WRN: variants seen among roughly 807,000 people sequenced by gnomAD.
The protein encoded by WRN is bifunctional 3'-5' exonuclease/ATP-dependent helicase WRN.
Under a neutral mutation model 180.7 loss-of-function variants are expected in WRN, and 149 were observed. The observed-to-expected ratio is 0.82, with a 90% CI of 0.72 to 0.94. WRN has a LOEUF of 0.94. WRN is among the 40% of genes least tolerant of loss of function. The pLI, the probability that WRN is intolerant of heterozygous loss-of-function variation, is 0.00. For synonymous variants in WRN, 548 were observed against 568.9 expected, an observed-to-expected ratio of 0.96 and a Z score of 0.52; for missense variants, 1,661 against 1,700.1, an observed-to-expected ratio of 0.98 and a Z score of 0.40.
intron 21 of WRN, 133 bp downstream of exon 21, chr8:31,120,557 G>T (rs924326628): frequency 2.7e-6 from 2 of 739,326 alleles, no homozygotes; most frequent in Non-Finnish European, 4.1e-6. Context: ...AAAAAAAAAA[G>T]AAAAATAAAA....
intron 9 of WRN, among the ~76,000 whole-genome samples, chr8:31,082,859 A>T (rs1174536979): frequency 6.6e-6 from 1 of 152,104 alleles, no homozygotes; most frequent in Non-Finnish European, 1.5e-5. Context: ...CTTTTACACC[A>T]ATTATTGCCA....
intron 24 of WRN, among the ~76,000 whole-genome samples, chr8:31,139,543 A>G (rs1478258798): frequency 1.3e-5 from 2 of 152,314 alleles, no homozygotes; most frequent in African/African-American, 4.8e-5. Context: ...AGCTTCCACT[A>G]TAGCACCTAA....
intron 18 of WRN, among the ~76,000 whole-genome samples, chr8:31,103,295 C>A (rs190451675): frequency 6.6e-6 from 1 of 152,176 alleles, no homozygotes; most frequent in Non-Finnish European, 1.5e-5. Context: ...TAGGTAAATA[C>A]GTAAACCAGT....
intron 7 of WRN, among the ~76,000 whole-genome samples, chr8:31,074,116 G>A (rs780774943): frequency 6.0e-5 from 9 of 150,666 alleles, no homozygotes; most frequent in Non-Finnish European, 1.2e-4. Context: ...TAGTAGAGAC[G>A]GGGTTTCACC....
chr8:31,155,089 A>G (rs1347750650), intron 32 of WRN, among the ~76,000 whole-genome samples: 3 of 152,230 alleles, frequency 2.0e-5, no homozygotes, highest in African/African-American at 4.8e-5. Context: ...CAGTGTTAAG[A>G]AACAATCTCA....
chr8:31,170,614 A>G (rs192831817), intron 34 of WRN, among the ~76,000 whole-genome samples: 55 of 152,282 alleles, frequency 3.6e-4, no homozygotes, highest in African/African-American at 1.3e-3. Flanking sequence ...TCAGCAAATG[A>G]GTTGATGTTT....
chr8:31,072,972 G>A lies in WRN; in HGVS notation c.725-3201G>A, dbSNP rs760058707. 2.4e-4 allele frequency among the ~76,000 whole-genome samples: 36 copies of A among 152,102 alleles called. 1 individual carries two copies. Among genetic ancestry groups the A allele is most frequent in the Admixed American group, 1.8e-3 (28 of 15,264 alleles). On this transcript the variant is annotated intron_variant, in intron 7 of 34. Transcript: ENST00000298139. ...CCTATAACTGAATGAAATGAGTGAG[G>A]GTAAGAGTGGCAGGAAATGAGGCTA...
In WRN at chr8:31,068,263, T is replaced by C; in HGVS notation, c.660T>C (p.Gly220=). ...KLYAATDAYA[G]FIIYRNLEIL... ...ATTTTTCTGTTTTTTTATAGGCTGG[T>C]TTTATTATTTACCGAAATTTAGAGA... The change falls in exon 7 of 35, where the codon GGT becomes GGC. Residue 220 remains glycine, a synonymous_variant. Coordinates refer to ENST00000298139, the MANE Select transcript of WRN (RefSeq NM_000553.6). 1 of 1,604,170 alleles carries C rather than the reference T, an allele frequency of 6.2e-7. No individual in the cohort carries two copies.
chr8:31,130,620 T>G (rs1044260297), intron 23 of WRN, among the ~76,000 whole-genome samples: 1 of 298 alleles, frequency 3.4e-3, no homozygotes, highest in Non-Finnish European at 0.056. Flanking sequence ...GGATTTGGGT[T>G]TTTTTTTTTT....
intron 7 of WRN, among the ~76,000 whole-genome samples, chr8:31,068,665 A>G (rs1204156884): frequency 2.0e-5 from 3 of 152,232 alleles, no homozygotes; most frequent in Non-Finnish European, 4.4e-5. Flanking sequence ...AATGCTTTCT[A>G]TATAATGCTT....
chr8:31,149,941 A>C lies in WRN; in HGVS notation c.3573-400A>C, dbSNP rs975465497. Among the ~76,000 whole-genome samples, 11 of 152,318 alleles carry C rather than the reference A, an allele frequency of 7.2e-5. No individual in the cohort carries two copies. In the Middle Eastern group the frequency reaches 0.01, roughly 141 times the overall value. The stretch of plus-strand genomic sequence containing the variant: ...AGGTAAACACTTTGTAGAAGAAAAT[A>C]ATGAATGAGACTTTCTTTTGAGATT... On this transcript the variant is annotated intron_variant, in intron 30 of 34. Transcript: ENST00000298139.
chr8:31,113,838 C>A (rs1178800814), intron 19 of WRN, among the ~76,000 whole-genome samples: 3 of 152,140 alleles, frequency 2.0e-5, no homozygotes, highest in African/African-American at 7.2e-5. Context: ...ACCCCTCTCC[C>A]CAGTGCCCCT....
At chr8:31,121,899 A>T (rs1225068459) in intron 21 of WRN, among the ~76,000 whole-genome samples, 2 of 151,982 alleles carry the variant, frequency 1.3e-5, no homozygotes, top group African/African-American at 4.8e-5. Context: ...TAATTTAAAT[A>T]ATTGGGATAG....
chr8:31,034,491 G>A (rs1269192959), intron 1 of WRN, among the ~76,000 whole-genome samples: 1 of 152,128 alleles, frequency 6.6e-6, no homozygotes, highest in Non-Finnish European at 1.5e-5. Flanking sequence ...TTCTTAGGAT[G>A]CTAATACAGG....
At position 31,174,691 on chromosome 8, in the gene WRN, ATTC is replaced by A. The variant is rs929749269; in HGVS notation, c.*1600_*1602del. Among the ~76,000 whole-genome samples, 72 of 150,906 alleles carry A rather than the reference ATTC, an allele frequency of 4.8e-4. No homozygotes were observed. Among genetic ancestry groups the A allele is most frequent in the African/African-American group, 1.4e-3 (59 of 41,090 alleles). On this transcript the variant is annotated 3_prime_UTR_variant, in exon 35 of 35. Transcript: ENST00000298139. ...ACTACTACTACTAATTCTTCTTCTG[ATTC>A]TTCTTCTTCTCCTTCTTCCTTCTTC... is the stretch of plus-strand genomic sequence containing the variant.
At chr8:31,154,332 T>A (rs1048388145) in intron 31 of WRN, among the ~76,000 whole-genome samples, 1 of 152,132 alleles carries the variant, frequency 6.6e-6, no homozygotes, top group African/African-American at 2.4e-5. Context: ...GACAGAGTAG[T>A]TCACATTATA....
At chr8:31,146,786 G>A (rs1391363735) in intron 28 of WRN, among the ~76,000 whole-genome samples, 1 of 152,196 alleles carries the variant, frequency 6.6e-6, no homozygotes, top group African/African-American at 2.4e-5. Flanking sequence ...GGTTGAGGAA[G>A]AGAATGGGAC....
At chr8:31,065,878 CT>C (rs1201740447) in intron 5 of WRN, among the ~76,000 whole-genome samples, 192 of 130,636 alleles carry the variant, frequency 1.5e-3, no homozygotes, top group Middle Eastern at 4.1e-3. Context: ...AGTTTCTTTT[CT>C]TTTTTTTTTT....
intron 34 of WRN, chr8:31,171,026 A>G (rs1376134669): frequency 6.6e-6 from 1 of 152,188 alleles, no homozygotes; most frequent in Non-Finnish European, 1.5e-5. Context: ...TTAACTCCAA[A>G]GAATTCAGTG....
Sources: gnomAD v4.1 joint callset for allele counts (sites outside exome capture counted in the v4.1 genomes callset) on GRCh38, gnomAD v4.1.1 for gene constraint, MANE v1.5 for transcripts, NCBI Gene and HGNC (gene_info 2026-07-23, HGNC 2026-07-21) for gene names.